The following AQP9 variants were observed in gnomAD, a reference collection of about 807,000 sequenced individuals.
AQP9 encodes the protein aquaporin 9.
In AQP9, 19 loss-of-function variants were observed where a neutral mutation model predicts 23.8. The ratio of observed to expected loss-of-function variants is 0.80; its 90% confidence interval spans 0.56 to 1.17. The LOEUF (loss-of-function observed/expected upper bound fraction) is 1.17, where lower values mean the gene tolerates loss of function less well. Among genes scored for constraint, AQP9 ranks in the 50% most tolerant of loss-of-function variants. The pLI is 0.00. For synonymous variants in AQP9, 153 were observed against 131.5 expected (o/e 1.16, Z -1.12); for missense variants, 413 against 362.0 (o/e 1.14, Z -1.14).
rs1401937456 is a variant in AQP9 at position 58,173,081 on chromosome 15, C to T, written c.252C>T (p.Asn84=). The T allele has an allele frequency of 1.9e-6, 3 of 1,613,928 alleles. No individual in the cohort carries two copies. The highest frequency in any genetic ancestry group is 2.7e-5 in the African/African-American group (2 of 74,936). The part of the protein sequence containing the change: ...VAGGVSGGHI[N]PAVSLAMCLF... ...CTTCCCTTGCAGGTGGTCACATCAA[C>T]CCAGCTGTGTCTTTAGCAATGTGTC... is the stretch of plus-strand genomic sequence containing the variant. The change falls in exon 3 of 6, where the codon AAC becomes AAT. Residue 84 remains asparagine, a synonymous_variant. Transcript: ENST00000219919.
chr15:58,169,027 T>C (rs1898566201), intron 2 of AQP9, among the ~76,000 whole-genome samples: 3 of 152,192 alleles, frequency 2.0e-5, no homozygotes, highest in Admixed American at 2.0e-4. Context: ...TATCTGATTC[T>C]GTCCATTGAT....
intron 5 of AQP9, among the ~76,000 whole-genome samples, chr15:58,183,189 A>G (rs1226352703): frequency 6.6e-6 from 1 of 152,190 alleles, no homozygotes; most frequent in Non-Finnish European, 1.5e-5. Context: ...TTTTAAAAAT[A>G]CTTTTATCTT....
intron 1 of AQP9, among the ~76,000 whole-genome samples, chr15:58,147,869 C>A (rs979647885): frequency 6.6e-6 from 1 of 151,072 alleles, no homozygotes; most frequent in African/African-American, 2.4e-5. Context: ...GTGTTAAATA[C>A]CCTCACCTGT....
At chr15:58,142,189 A>C (rs12917145) in intron 1 of AQP9, among the ~76,000 whole-genome samples, 4,946 of 152,250 alleles carry the variant, frequency 0.032, 123 homozygotes, top group Non-Finnish European at 0.052. Context: ...CGCTTGTCCA[A>C]ATTCTCGTTC....
At chr15:58,173,569 T>C (rs1323047598) in intron 3 of AQP9, among the ~76,000 whole-genome samples, 1 of 152,056 alleles carries the variant, frequency 6.6e-6, no homozygotes, top group Non-Finnish European at 1.5e-5. Context: ...CCAGTAAGTA[T>C]TGAGAGAAGG....
In AQP9 at chr15:58,174,916, AG is replaced by A; in HGVS notation, c.377-1del. 6.2e-7 allele frequency: 1 copy of A among 1,613,274 alleles called. No individual in the cohort carries two copies. The highest frequency in any genetic ancestry group is 8.5e-7 in the Non-Finnish European group (1 of 1,179,142). ...AATGTGCCAGAGCTTTCTCTTTCAT[AG>A]ATGGACTTATGTCCTTTGCTGGTGG... On this transcript the variant is annotated splice_acceptor_variant, in intron 3 of 5. Transcript: ENST00000219919. LOFTEE classifies it high-confidence loss of function.
intron 1 of AQP9, among the ~76,000 whole-genome samples, chr15:58,157,807 C>T (rs1898294976): frequency 6.6e-6 from 1 of 152,048 alleles, no homozygotes; most frequent in African/African-American, 2.4e-5. Flanking sequence ...AGCAGAAAAT[C>T]GATTTTGCAT....
chr15:58,176,777 A>C (rs2140630274), intron 4 of AQP9, among the ~76,000 whole-genome samples: 1 of 151,858 alleles, frequency 6.6e-6, no homozygotes, highest in East Asian at 1.9e-4. Context: ...CTCCTGGCTA[A>C]TTTTTGTATT....
At chr15:58,159,565 G>A (rs1217076115) in intron 1 of AQP9, among the ~76,000 whole-genome samples, 1 of 151,994 alleles carries the variant, frequency 6.6e-6, no homozygotes, top group Non-Finnish European at 1.5e-5. Flanking sequence ...ATACATTATT[G>A]TTAACTATAG....
At chr15:58,155,491 A>AT (rs1898233377) in intron 1 of AQP9, 1 of 152,040 alleles carries the variant, frequency 6.6e-6, no homozygotes, top group Non-Finnish European at 1.5e-5. Flanking sequence ...CCCTTACACG[A>AT]TTTTTTGCCT....
At chr15:58,172,997 G>C in intron 2 of AQP9, 71 bp from the exon 3 acceptor site, 2 of 1,584,524 alleles carry the variant, frequency 1.3e-6, no homozygotes, top group Non-Finnish European at 1.7e-6. Context: ...TTCCACCTGA[G>C]GTCTCTAGAT....
chr15:58,160,555 T>C (rs1335799787), intron 1 of AQP9, among the ~76,000 whole-genome samples: 3 of 152,074 alleles, frequency 2.0e-5, no homozygotes, highest in Non-Finnish European at 2.9e-5. Flanking sequence ...GCATGGAATA[T>C]AAAGAATTAG....
intron 1 of AQP9, among the ~76,000 whole-genome samples, chr15:58,148,554 A>G (rs1319984903): frequency 2.6e-5 from 4 of 152,310 alleles, no homozygotes; most frequent in Non-Finnish European, 5.9e-5. Flanking sequence ...GGGTAGAGGG[A>G]GAACTGTCCT....
At chr15:58,138,714 A>AGC in intron 1 of AQP9, 38 bp downstream of exon 1, 1 of 1,560,514 alleles carries the variant, frequency 6.4e-7, no homozygotes, top group Non-Finnish European at 8.8e-7. Flanking sequence ...AGACCCAATA[A>AGC]TGCCTCCCTA....
At chr15:58,142,416 T>C (rs146827274) in intron 1 of AQP9, among the ~76,000 whole-genome samples, 205 of 152,322 alleles carry the variant, frequency 1.3e-3, no homozygotes, top group African/African-American at 4.3e-3. Context: ...GTTTACAGTT[T>C]AAAATACATT....
At chr15:58,166,876 T>C (rs16939839) in intron 2 of AQP9, 77 bp downstream of exon 2, 252,591 of 1,468,728 alleles carry the variant, frequency 0.17, 22,652 homozygotes, top group African/African-American at 0.26. Flanking sequence ...CTGCTTCACA[T>C]ACCTTAATTT....
intron 4 of AQP9, among the ~76,000 whole-genome samples, chr15:58,178,741 A>G (rs574931252): frequency 2.0e-5 from 3 of 152,056 alleles, no homozygotes; most frequent in Non-Finnish European, 4.4e-5. Context: ...TTTCTCACCA[A>G]TTTGAACAAG....
chr15:58,182,369 G>T (rs761429826), intron 5 of AQP9, among the ~76,000 whole-genome samples: 1 of 152,138 alleles, frequency 6.6e-6, no homozygotes, highest in Non-Finnish European at 1.5e-5. Context: ...ACTAGGCTAG[G>T]CAGGTAACCA....
rs1167168400 is a variant in AQP9, at chr15:58,179,266, G to A, written c.634G>A (p.Gly212Ser). Residue 212 changes from glycine to serine, a missense_variant, in exon 5 of 6, where the codon GGC becomes AGC. By Grantham distance (56) the Gly-to-Ser change is moderately conservative. Transcript: ENST00000219919. ...VIASSLGLNS[G>S]CAMNPARDLS... ...TGCTTCCTCCCTGGGACTGAACAGT[G>A]GCTGTGCCATGAACCCAGCTCGAGA... 1 of 1,614,152 alleles carries A rather than the reference G, an allele frequency of 6.2e-7. No individual in the cohort carries two copies. Among genetic ancestry groups the A allele is most frequent in the East Asian group, 2.2e-5 (1 of 44,878 alleles).
Sources: gnomAD v4.1 joint callset for allele counts (sites outside exome capture counted in the v4.1 genomes callset) on GRCh38, gnomAD v4.1.1 for gene constraint, MANE v1.5 for transcripts, NCBI Gene and HGNC (gene_info 2026-07-23, HGNC 2026-07-21) for gene names.